ENOX1: variants seen among roughly 807,000 people sequenced by gnomAD.
The protein encoded by ENOX1 is ecto-NOX disulfide-thiol exchanger 1.
ENOX1 carries 42 observed loss-of-function variants against 82.5 expected under a neutral mutation model. That is an observed-to-expected ratio of 0.51 (90% CI 0.40 to 0.66). The LOEUF (loss-of-function observed/expected upper bound fraction) is 0.66. Among genes scored for constraint, ENOX1 ranks in the 30% least tolerant of loss-of-function variants. The pLI, the probability that ENOX1 is intolerant of heterozygous loss-of-function variation, is 0.00. For synonymous variants in ENOX1, 271 were observed against 282.2 expected (o/e 0.96, Z 0.40); for missense variants, 608 against 811.6 (o/e 0.75, Z 3.05).
At chr13:43,754,813 C>G (rs905127086) in intron 1 of ENOX1, among the ~76,000 whole-genome samples, 5 of 151,934 alleles carry the variant, frequency 3.3e-5, no homozygotes, top group African/African-American at 1.2e-4. Flanking sequence ...CTCAAGTGAC[C>G]CTCCCACCAT....
intron 2 of ENOX1, among the ~76,000 whole-genome samples, chr13:43,576,727 C>T (rs2080442105): frequency 6.6e-6 from 1 of 152,118 alleles, no homozygotes; most frequent in Non-Finnish European, 1.5e-5. Context: ...CAATAGAAAA[C>T]TAATAAATGT....
chr13:43,404,801 T>C (rs112667716), intron 5 of ENOX1, among the ~76,000 whole-genome samples: 7,453 of 152,238 alleles, frequency 0.049, 528 homozygotes, highest in African/African-American at 0.15. Context: ...AGTAAATGCA[T>C]AGAGTGTAAC....
intron 3 of ENOX1, among the ~76,000 whole-genome samples, chr13:43,445,208 C>T (rs547354105): frequency 7.3e-5 from 11 of 150,848 alleles, no homozygotes; most frequent in African/African-American, 2.7e-4. Context: ...ACTGCAAGCT[C>T]CACCTCCTGG....
intron 11 of ENOX1, among the ~76,000 whole-genome samples, chr13:43,311,032 G>A (rs2047171563): frequency 6.6e-6 from 1 of 151,860 alleles, no homozygotes; most frequent in African/African-American, 2.4e-5. Flanking sequence ...ATATAATGAT[G>A]GAAGCAGAAT....
At chr13:43,645,228 G>A (rs1198959329) in intron 2 of ENOX1, among the ~76,000 whole-genome samples, 13 of 152,014 alleles carry the variant, frequency 8.6e-5, no homozygotes, top group Admixed American at 3.9e-4. Context: ...CATAATCATC[G>A]CTCATGGCAG....
intron 5 of ENOX1, among the ~76,000 whole-genome samples, chr13:43,388,160 T>A (rs535986518): frequency 6.6e-6 from 1 of 152,192 alleles, no homozygotes; most frequent in South Asian, 2.1e-4. Context: ...TTAAGAGACA[T>A]GATCTAAATA....
intron 5 of ENOX1, among the ~76,000 whole-genome samples, chr13:43,387,825 TAGAC>T (rs888954677): frequency 1.2e-4 from 19 of 152,090 alleles, no homozygotes; most frequent in African/African-American, 3.9e-4. Context: ...TGCAAAAACA[TAGAC>T]AGACATATAC....
chr13:43,414,583 T>G (rs907242366), intron 3 of ENOX1, among the ~76,000 whole-genome samples: 46 of 152,336 alleles, frequency 3.0e-4, no homozygotes, highest in African/African-American at 1.1e-3. Flanking sequence ...CAACGATCTT[T>G]CTACGATGAA....
intron 2 of ENOX1, among the ~76,000 whole-genome samples, chr13:43,541,241 G>A (rs1304759490): frequency 3.1e-5 from 4 of 127,518 alleles, no homozygotes; most frequent in African/African-American, 1.2e-4. Flanking sequence ...GCTCACACCT[G>A]TAATCCTAGC....
intron 3 of ENOX1, among the ~76,000 whole-genome samples, chr13:43,467,164 T>C (rs922852425): frequency 1.3e-5 from 2 of 152,220 alleles, no homozygotes; most frequent in Non-Finnish European, 2.9e-5. Context: ...AACTCTATGA[T>C]TAACTTTTTA....
At chr13:43,614,542 C>CTTTTTTT (rs9316046) in intron 2 of ENOX1, among the ~76,000 whole-genome samples, 8 of 129,826 alleles carry the variant, frequency 6.2e-5, no homozygotes, top group African/African-American at 1.4e-4. Flanking sequence ...AAATAAAGGG[C>CTTTTTTT]TTTTTTTTTT....
At chr13:43,626,012 T>C (rs1213259045) in intron 2 of ENOX1, among the ~76,000 whole-genome samples, 1 of 151,898 alleles carries the variant, frequency 6.6e-6, no homozygotes, top group African/African-American at 2.4e-5. Flanking sequence ...TAAATCATAT[T>C]TCCTTAGTAA....
chr13:43,424,883 G>A (rs1555269627), intron 3 of ENOX1, among the ~76,000 whole-genome samples: 1 of 152,142 alleles, frequency 6.6e-6, no homozygotes, highest in Non-Finnish European at 1.5e-5. Flanking sequence ...GGCTATGGGG[G>A]CACAGGAGCC....
At chr13:43,594,600 C>T (rs2081381696) in intron 2 of ENOX1, among the ~76,000 whole-genome samples, 2 of 152,096 alleles carry the variant, frequency 1.3e-5, no homozygotes, top group African/African-American at 4.8e-5. Flanking sequence ...GTAGCCCTCC[C>T]TTTATTATCT....
intron 2 of ENOX1, among the ~76,000 whole-genome samples, chr13:43,582,968 A>C (rs1284775390): frequency 1.3e-5 from 2 of 151,646 alleles, no homozygotes; most frequent in African/African-American, 4.8e-5. Flanking sequence ...GTTATCCCCC[A>C]AACTGGACAC....
chr13:43,589,252 CAGAAAGT>C (rs2081134673), intron 2 of ENOX1, among the ~76,000 whole-genome samples: 1 of 142,610 alleles, frequency 7.0e-6, no homozygotes, highest in Admixed American at 7.0e-5. Flanking sequence ...AAAGGGTCTG[CAGAAAGT>C]AGTGCTGTTA....
At chr13:43,677,703 T>C (rs1430362081) in intron 1 of ENOX1, among the ~76,000 whole-genome samples, 1 of 152,204 alleles carries the variant, frequency 6.6e-6, no homozygotes. Context: ...ATGGTATCTT[T>C]TAGTTCTCAC....
chr13:43,654,095 G>T (rs1378725380), intron 2 of ENOX1, among the ~76,000 whole-genome samples: 3 of 152,174 alleles, frequency 2.0e-5, no homozygotes, highest in African/African-American at 7.2e-5. Context: ...TACTGTAAAA[G>T]TATTTGATAG....
chr13:43,483,833 T>C (rs1015140971), intron 3 of ENOX1, among the ~76,000 whole-genome samples, 176 bp downstream of exon 3: 1 of 152,164 alleles, frequency 6.6e-6, no homozygotes, highest in Non-Finnish European at 1.5e-5. Flanking sequence ...CATAAATAAG[T>C]ATGACAAGAT....
Sources: allele counts gnomAD v4.1 joint callset (sites outside exome capture counted in the v4.1 genomes callset), GRCh38; gene constraint gnomAD v4.1.1; transcripts MANE v1.5; gene names NCBI Gene and HGNC (gene_info 2026-07-23, HGNC 2026-07-21).